Variants in ANKH observed in about 807,000 individuals in gnomAD.
ANKH encodes the protein mineralization regulator ANKH.
In ANKH, 15 loss-of-function variants were observed where a neutral mutation model predicts 49.0. That is an observed-to-expected ratio of 0.31 (90% confidence interval 0.20 to 0.47). The LOEUF (loss-of-function observed/expected upper bound fraction) is 0.47, where lower values mean the gene tolerates loss of function less well. Ranked by LOEUF, ANKH falls within the 20% of genes least tolerant of loss-of-function variation. ANKH has a pLI of 1.00. For missense variants in ANKH, 429 were observed against 652.0 expected (o/e 0.66, Z 3.72); for synonymous variants, 273 against 260.0 (o/e 1.05, Z -0.48).
intron 8 of ANKH, among the ~76,000 whole-genome samples, chr5:14,733,828 C>T (rs986926833): frequency 5.9e-5 from 9 of 152,356 alleles, no homozygotes; most frequent in Non-Finnish European, 7.3e-5. Flanking sequence ...GCCAAGAGGC[C>T]AGAGGCGCCA....
At chr5:14,724,083 C>T (rs763790553) in intron 8 of ANKH, among the ~76,000 whole-genome samples, 7 of 152,038 alleles carry the variant, frequency 4.6e-5, no homozygotes, top group African/African-American at 7.3e-5. Flanking sequence ...TCTGGGAGGC[C>T]GAGGTGGATG....
chr5:14,738,584 A>G (rs1192336955), intron 8 of ANKH, among the ~76,000 whole-genome samples: 1 of 152,174 alleles, frequency 6.6e-6, no homozygotes, highest in East Asian at 1.9e-4. Context: ...AAGCGTTTCA[A>G]TGACCTCTGC....
intron 4 of ANKH, among the ~76,000 whole-genome samples, chr5:14,753,582 A>G (rs1168262127): frequency 6.6e-6 from 1 of 152,218 alleles, no homozygotes; most frequent in Non-Finnish European, 1.5e-5. Flanking sequence ...AACAACCTTG[A>G]CAATTCTCAC....
In ANKH at chr5:14,737,774, G is replaced by A. The variant is rs1023431823; in HGVS notation, c.1011+4053C>T. ...AACAGCTGCTTGTCAGTCAGCAGGC[G>A]CCTTGCTAACCTGGGTTTGCACTGT... On this transcript the variant is annotated intron_variant, in intron 8 of 11. Coordinates refer to ENST00000284268, the MANE Select transcript of ANKH (RefSeq NM_054027.6). The surrounding 1 kb of genome is among the most constrained non-coding windows in gnomAD (Gnocchi z 5.0). Among the ~76,000 whole-genome samples the A allele has an allele frequency of 2.0e-5, 3 of 152,190 alleles. No homozygotes were observed. The highest frequency in any genetic ancestry group is 1.9e-4 in the East Asian group (1 of 5,204).
At chr5:14,716,943 G>A (rs1317170076) in intron 8 of ANKH, 108 bp from the exon 9 acceptor site, 11 of 1,408,552 alleles carry the variant, frequency 7.8e-6, no homozygotes, top group African/African-American at 4.3e-5. Context: ...AGGGACAACC[G>A]GCCTGACTGG....
Position 14,724,792 on chromosome 5 carries a change from G to A in ANKH, c.1012-7957C>T, listed in dbSNP as rs539786106. Among the ~76,000 whole-genome samples the A allele has an allele frequency of 5.8e-4, 89 of 152,220 alleles. 1 individual carries two copies. In the South Asian group the frequency reaches 0.017, roughly 30 times the overall value. On this transcript the variant is annotated intron_variant, in intron 8 of 11. Transcript: ENST00000284268. The stretch of plus-strand genomic sequence containing the variant: ...CCAACCAGGCCACGGTGGGACGGCC[G>A]TTTCTGTGTGTGTCCTCGGAGACCA...
At chr5:14,788,943 T>A (rs1414357181) in intron 1 of ANKH, among the ~76,000 whole-genome samples, 1 of 152,176 alleles carries the variant, frequency 6.6e-6, no homozygotes, top group South Asian at 2.1e-4. Context: ...TCTAAACTTA[T>A]TTGGGCCGGG....
chr5:14,747,028 C>G (rs1231862596), intron 6 of ANKH, among the ~76,000 whole-genome samples: 1 of 152,268 alleles, frequency 6.6e-6, no homozygotes, highest in East Asian at 1.9e-4. Flanking sequence ...TCTCAAAATG[C>G]AACTGCGAGC....
intron 1 of ANKH, among the ~76,000 whole-genome samples, chr5:14,833,405 A>C (rs1741562052): frequency 6.6e-6 from 1 of 152,144 alleles, no homozygotes; most frequent in Non-Finnish European, 1.5e-5. Context: ...TGGGTAATAG[A>C]CTAGTAAAAG....
chr5:14,749,405 G>T (rs111345449), intron 5 of ANKH, 99 bp from the exon 6 acceptor site: 2 of 1,313,610 alleles, frequency 1.5e-6, no homozygotes, highest in East Asian at 2.3e-5. Context: ...TTAATCACAA[G>T]CCAATTCACT....
intron 8 of ANKH, among the ~76,000 whole-genome samples, chr5:14,726,120 C>T (rs1048401815): frequency 3.3e-5 from 5 of 152,028 alleles, no homozygotes; most frequent in African/African-American, 1.2e-4. Context: ...GAAACCATGT[C>T]CCACATCACC....
At chr5:14,858,798 G>C (rs187425529) in intron 1 of ANKH, among the ~76,000 whole-genome samples, 1 of 150,396 alleles carries the variant, frequency 6.6e-6, no homozygotes, top group Admixed American at 6.6e-5. Flanking sequence ...GAGATAAGAA[G>C]ATTATGCACT....
chr5:14,867,582 T>G (rs1336250044), intron 1 of ANKH, among the ~76,000 whole-genome samples: 1 of 151,882 alleles, frequency 6.6e-6, no homozygotes, highest in African/African-American at 2.4e-5. Context: ...AGACGGAGTC[T>G]CGCTCTGTCG....
chr5:14,857,298 T>C (rs962044103), intron 1 of ANKH, among the ~76,000 whole-genome samples: 1 of 152,154 alleles, frequency 6.6e-6, no homozygotes, highest in African/African-American at 2.4e-5. Context: ...ATGCAGTATA[T>C]ATTTGGTCCA....
chr5:14,768,080 G>T (rs1054763579), intron 2 of ANKH: 2 of 152,114 alleles, frequency 1.3e-5, no homozygotes, highest in African/African-American at 4.8e-5. Flanking sequence ...AAACCACAAA[G>T]GCCTTACCTT....
intron 8 of ANKH, among the ~76,000 whole-genome samples, chr5:14,735,382 G>A (rs567197058): frequency 2.0e-5 from 3 of 152,288 alleles, no homozygotes; most frequent in African/African-American, 7.2e-5. Flanking sequence ...GAAACTAAAA[G>A]GAGACAGAAT....
chr5:14,833,541 G>C (rs2126601422), intron 1 of ANKH, among the ~76,000 whole-genome samples: 1 of 152,332 alleles, frequency 6.6e-6, no homozygotes, highest in East Asian at 1.9e-4. Flanking sequence ...ATATGGTCCA[G>C]GGTGGGCTCC....
intron 8 of ANKH, among the ~76,000 whole-genome samples, chr5:14,730,314 C>T (rs781606684): frequency 1.8e-4 from 28 of 152,132 alleles, no homozygotes; most frequent in Non-Finnish European, 3.4e-4. Context: ...TCTTCACATT[C>T]ACAGGAATCA....
At chr5:14,754,828 C>A (rs935548898) in intron 4 of ANKH, among the ~76,000 whole-genome samples, 1 of 152,078 alleles carries the variant, frequency 6.6e-6, no homozygotes, top group Admixed American at 6.5e-5. Context: ...GTAATCCCAG[C>A]ACTTTGGGAG....
Sources: gnomAD v4.1 joint callset for allele counts (sites outside exome capture counted in the v4.1 genomes callset) on GRCh38, gnomAD v4.1.1 for gene constraint, Gnocchi (gnomAD v3.1) non-coding constraint, MANE v1.5 for transcripts, NCBI Gene and HGNC (gene_info 2026-07-23, HGNC 2026-07-21) for gene names.